MARK2: variants seen among roughly 807,000 people sequenced by gnomAD.
The protein encoded by MARK2 is microtubule affinity regulating kinase 2, also known as serine/threonine-protein kinase MARK2.
Under a neutral mutation model 89.8 loss-of-function variants are expected in MARK2, and 16 were observed. That is an observed-to-expected ratio of 0.18 (90% CI 0.12 to 0.27). The LOEUF (loss-of-function observed/expected upper bound fraction) is 0.27, where lower values mean the gene tolerates loss of function less well. Ranked by LOEUF, MARK2 falls within the 10% of genes least tolerant of loss-of-function variation. MARK2 has a pLI of 1.00. For missense variants in MARK2, 621 were observed against 1,049.9 expected, an observed-to-expected ratio of 0.59 and a Z score of 5.65; for synonymous variants, 382 against 399.5, an observed-to-expected ratio of 0.96 and a Z score of 0.52.
At chr11:63,901,421 G>GA (rs1359069580) in intron 11 of MARK2, among the ~76,000 whole-genome samples, 1 of 109,172 alleles carries the variant, frequency 9.2e-6, no homozygotes, top group Non-Finnish European at 1.9e-5. Context: ...GTACATTTCT[G>GA]GGTGTGTGTG....
intron 1 of MARK2, among the ~76,000 whole-genome samples, chr11:63,892,963 C>T (rs1247210823): frequency 7.1e-6 from 1 of 141,814 alleles, no homozygotes; most frequent in Admixed American, 7.3e-5. Flanking sequence ...GGCTGGAGTG[C>T]AGTGGTGCGA....
rs1309105541 is a variant in MARK2, at chr11:63,839,557, G to T, written c.51G>T (p.Glu17Asp). 6.5e-7 allele frequency: 1 copy of T among 1,534,216 alleles called. No individual in the cohort carries two copies. Among genetic ancestry groups the T allele is most frequent in the Non-Finnish European group, 8.8e-7 (1 of 1,138,602 alleles). ...PLPTLNERDT[E>D]QPTLGHLDSK... is the part of the protein sequence containing the mutation. Reference sequence around the variant, plus strand: ...CCACGCTGAACGAGAGGGACACGGAGCAGGTAAGGAGCCCCGAGGGCTCCC... The same window carrying T: ...CCACGCTGAACGAGAGGGACACGGATCAGGTAAGGAGCCCCGAGGGCTCCC... The change falls in exon 1 of 19, where the codon GAG (glutamate) becomes GAT (aspartate). Residue 17 changes from glutamate to aspartate, a missense_variant. By Grantham distance (45) the Glu-to-Asp change is conservative. Transcript: ENST00000402010.
intron 1 of MARK2, among the ~76,000 whole-genome samples, chr11:63,852,030 G>C (rs907554616): frequency 6.6e-6 from 1 of 152,162 alleles, no homozygotes; most frequent in Non-Finnish European, 1.5e-5. Context: ...GGTGATGCAC[G>C]AAGTCAAAAT....
At chr11:63,895,487 A>G in intron 2 of MARK2, 93 bp from the exon 3 acceptor site, 1 of 1,448,526 alleles carries the variant, frequency 6.9e-7, no homozygotes, top group Non-Finnish European at 9.7e-7. Flanking sequence ...TGTGGGATGA[A>G]AAGGAGTAAG....
In MARK2 at chr11:63,904,414, G is replaced by T. The variant is rs1183064882; in HGVS notation, c.1676+267G>T. ...AACCTTTTTGTTCTGAACCTTCCAGGGTTTCCTTAGGGACCCCGGGGATAG... is the reference window on the plus strand; with the variant it reads ...AACCTTTTTGTTCTGAACCTTCCAGTGTTTCCTTAGGGACCCCGGGGATAG... On this transcript the variant is annotated intron_variant, in intron 15 of 18. Coordinates refer to ENST00000402010, the MANE Select transcript of MARK2 (RefSeq NM_001039469.3). This position sits in a 1 kb window ranked among gnomAD's most constrained non-coding sequence, Gnocchi z 6.3. Among the ~76,000 whole-genome samples the T allele has an allele frequency of 6.6e-6, 1 of 152,090 alleles. No homozygotes were observed. Among genetic ancestry groups the T allele is most frequent in the East Asian group, 1.9e-4 (1 of 5,196 alleles).
Position 63,908,323 on chromosome 11 carries a change from G to A in MARK2, c.2006+19G>A. 2 of 1,554,878 alleles carry A rather than the reference G, an allele frequency of 1.3e-6. No individual in the cohort carries two copies. Among genetic ancestry groups the A allele is most frequent in the Non-Finnish European group, 1.7e-6 (2 of 1,148,056 alleles). ...CGCTCAGGTGAGAGGGCTGGAGCCA[G>A]CACTGGCCCTGCCCGGGCCACCGGG... On this transcript the variant is annotated intron_variant, in intron 18 of 18. Coordinates refer to ENST00000402010, the MANE Select transcript of MARK2 (RefSeq NM_001039469.3).
intron 1 of MARK2, among the ~76,000 whole-genome samples, chr11:63,891,949 G>A (rs1399131570): frequency 1.3e-5 from 2 of 152,188 alleles, no homozygotes; most frequent in Non-Finnish European, 2.9e-5. Context: ...TCTCCAAGGG[G>A]TGTGAACCCT....
chr11:63,851,999 A>G (rs1460047242), intron 1 of MARK2, among the ~76,000 whole-genome samples: 1 of 152,202 alleles, frequency 6.6e-6, no homozygotes, highest in Non-Finnish European at 1.5e-5. Flanking sequence ...ATTGTGATCT[A>G]GAGACCCTCA....
chr11:63,905,996 C>T (rs1941294100), intron 16 of MARK2, 92 bp from the exon 17 acceptor site: 15 of 1,101,316 alleles, frequency 1.4e-5, no homozygotes, highest in Non-Finnish European at 1.8e-5. Flanking sequence ...ACCTGTAAAG[C>T]CACCTCCCCC....
intron 1 of MARK2, 35 bp downstream of exon 1, chr11:63,839,595 C>T: frequency 7.1e-7 from 1 of 1,410,680 alleles, no homozygotes. Context: ...AATTCTCTGG[C>T]TGGGCCCTTT....
intron 1 of MARK2, among the ~76,000 whole-genome samples, chr11:63,866,874 A>C (rs1475162179): frequency 6.6e-6 from 1 of 152,178 alleles, no homozygotes; most frequent in African/African-American, 2.4e-5. Context: ...GCTCTGATTA[A>C]CTGACTTTTC....
chr11:63,846,665 T>G (rs898032878), intron 1 of MARK2, among the ~76,000 whole-genome samples: 3 of 150,092 alleles, frequency 2.0e-5, no homozygotes, highest in Non-Finnish European at 4.4e-5. Context: ...AAATTTTTTT[T>G]TTTTTTTTGA....
chr11:63,880,433 C>A (rs1177654769), intron 1 of MARK2, among the ~76,000 whole-genome samples: 1 of 152,094 alleles, frequency 6.6e-6, no homozygotes, highest in African/African-American at 2.4e-5. Context: ...TAACAAATAT[C>A]AAAGCAGAAC....
chr11:63,882,071 C>T (rs561560980), intron 1 of MARK2, among the ~76,000 whole-genome samples: 6 of 152,274 alleles, frequency 3.9e-5, no homozygotes, highest in East Asian at 3.8e-4. Flanking sequence ...AGATAAACAA[C>T]GGATAAGAGG....
chr11:63,844,531 C>G (rs1565091742), intron 1 of MARK2, among the ~76,000 whole-genome samples: 1 of 152,244 alleles, frequency 6.6e-6, no homozygotes, highest in African/African-American at 2.4e-5. Flanking sequence ...CGGAAAGTAG[C>G]TAAACAGATG....
chr11:63,841,706 G>A (rs1378384158), intron 1 of MARK2, among the ~76,000 whole-genome samples: 2 of 152,238 alleles, frequency 1.3e-5, no homozygotes, highest in Admixed American at 6.5e-5. Flanking sequence ...AGTGGCGATG[G>A]AGTGCCTACT....
intron 1 of MARK2, among the ~76,000 whole-genome samples, chr11:63,854,606 G>A (rs958534246): frequency 1.3e-5 from 2 of 151,836 alleles, no homozygotes; most frequent in South Asian, 4.2e-4. Context: ...AGGCCAAGGC[G>A]AGTGGATCAC....
At chr11:63,850,092 A>G (rs2016491126) in intron 1 of MARK2, 2 of 152,190 alleles carry the variant, frequency 1.3e-5, no homozygotes, top group African/African-American at 4.8e-5. Context: ...TTGTTCTGGC[A>G]TCTTCAAGCC....
chr11:63,878,532 G>C (rs1938911921), intron 1 of MARK2, among the ~76,000 whole-genome samples: 1 of 151,796 alleles, frequency 6.6e-6, no homozygotes, highest in Non-Finnish European at 1.5e-5. Flanking sequence ...ACCACGCCCG[G>C]CTAATTTTTT....
Sources: gnomAD v4.1 joint callset for allele counts (sites outside exome capture counted in the v4.1 genomes callset) on GRCh38, gnomAD v4.1.1 for gene constraint, Gnocchi (gnomAD v3.1) non-coding constraint, MANE v1.5 for transcripts, NCBI Gene and HGNC (gene_info 2026-07-23, HGNC 2026-07-21) for gene names.